The following HBS1L variants were observed in gnomAD, a reference collection of about 807,000 sequenced individuals.
HBS1L encodes HBS1 like translational GTPase, also known as HBS1-like protein.
HBS1L carries 55 observed loss-of-function variants against 88.9 expected under a neutral mutation model. That is an observed-to-expected ratio of 0.62 (90% CI 0.50 to 0.77). HBS1L has a LOEUF of 0.77. Among genes scored for constraint, HBS1L ranks in the 30% least tolerant of loss-of-function variants. The pLI is 0.00. For synonymous variants in HBS1L, 267 were observed against 288.5 expected (o/e 0.93, Z 0.76); for missense variants, 741 against 829.3 (o/e 0.89, Z 1.31).
At chr6:135,031,842 T>G (rs1230124672) in intron 4 of HBS1L, among the ~76,000 whole-genome samples, 1 of 151,622 alleles carries the variant, frequency 6.6e-6, no homozygotes, top group East Asian at 1.9e-4. Flanking sequence ...TTTTCTTTTT[T>G]TTTTTTTTGA....
At chr6:135,023,220 A>G (rs1262585859) in intron 4 of HBS1L, among the ~76,000 whole-genome samples, 14 of 152,040 alleles carry the variant, frequency 9.2e-5, no homozygotes, top group Non-Finnish European at 1.5e-5. Flanking sequence ...CGAGGCGGGC[A>G]GATCACGAGG....
Position 135,054,722 on chromosome 6 carries a change from T to G in HBS1L, c.-31A>C, listed in dbSNP as rs112374595. ...CGGAGAGGGCGTTTGCCACAGCCCC[T>G]TAACTCCTTCCAAAACACTCCGCTT... On this transcript the variant is annotated 5_prime_UTR_variant, in exon 1 of 18. Coordinates refer to ENST00000367837, the MANE Select transcript of HBS1L (RefSeq NM_006620.4). 4.6e-4 allele frequency: 741 copies of G among 1,613,870 alleles called. No individual in the cohort carries two copies. The highest frequency in any genetic ancestry group is 6.0e-4 in the Non-Finnish European group (713 of 1,179,862).
At chr6:134,988,612 CCT>C (rs1775047803) in intron 8 of HBS1L, among the ~76,000 whole-genome samples, 1 of 152,068 alleles carries the variant, frequency 6.6e-6, no homozygotes, top group South Asian at 2.1e-4. Flanking sequence ...TGACATATTC[CCT>C]CTCTCCCATT....
chr6:135,002,051 ATATAATT>A (rs1263928017), intron 5 of HBS1L, among the ~76,000 whole-genome samples: 7 of 120,792 alleles, frequency 5.8e-5, no homozygotes, highest in African/African-American at 1.5e-4. Flanking sequence ...GACAAAATAC[ATATAATT>A]TATAAGTAAC....
At position 134,987,674 on chromosome 6, in the gene HBS1L, G is replaced by A. The variant is rs772415575; in HGVS notation, c.1201C>T (p.Leu401Phe). The change falls in exon 9 of 18, where the codon CTT (leucine) becomes TTT (phenylalanine). Residue 401 changes from leucine (L) to phenylalanine (F), a missense_variant. This residue lies in a region of HBS1L where 556 missense variants were observed against 598.4 expected (regional missense o/e 0.93). Coordinates refer to ENST00000367837, the MANE Select transcript of HBS1L (RefSeq NM_006620.4). Reference protein sequence around the residue: ...LLVRSLGVTQLAVAVNKMDQV... With the variant: ...LLVRSLGVTQFAVAVNKMDQV... ...TCCATTTTATTAACTGCAACTGCAAGCTGCGTCACTCCCAGAGAACGGACC... is the reference window on the plus strand; with the variant it reads ...TCCATTTTATTAACTGCAACTGCAAACTGCGTCACTCCCAGAGAACGGACC... 1.6e-5 allele frequency: 25 copies of A among 1,602,630 alleles called. No individual in the cohort carries two copies. Among genetic ancestry groups the A allele is most frequent in the Non-Finnish European group, 2.0e-5 (24 of 1,174,894 alleles).
intron 17 of HBS1L, among the ~76,000 whole-genome samples, chr6:134,965,841 A>T (rs1296206956): frequency 6.6e-6 from 1 of 152,222 alleles, no homozygotes; most frequent in Non-Finnish European, 1.5e-5. Flanking sequence ...TTAGCAACTT[A>T]AAAGAAAGAT....
intron 2 of HBS1L, among the ~76,000 whole-genome samples, chr6:135,044,207 T>C (rs6903427): frequency 0.036 from 5,436 of 152,294 alleles, 335 homozygotes; most frequent in African/African-American, 0.12. Flanking sequence ...GGAGTACTTA[T>C]TAGGAAATTA....
At chr6:134,998,202 T>G (rs1271008736) in intron 5 of HBS1L, among the ~76,000 whole-genome samples, 2 of 152,150 alleles carry the variant, frequency 1.3e-5, no homozygotes, top group Non-Finnish European at 2.9e-5. Flanking sequence ...TATTAAAAAC[T>G]ACAACATATA....
intron 12 of HBS1L, among the ~76,000 whole-genome samples, chr6:134,984,967 C>T (rs187301679): frequency 5.3e-5 from 8 of 151,798 alleles, no homozygotes; most frequent in Admixed American, 2.6e-4. Context: ...CAGGGAAGCA[C>T]GGGTAGACAT....
At chr6:135,002,908 T>C (rs1403370844) in intron 4 of HBS1L, 66 bp from the exon 5 acceptor site, 8 of 834,230 alleles carry the variant, frequency 9.6e-6, no homozygotes, top group African/African-American at 3.8e-5. Context: ...ATCTATTACA[T>C]AGTATTTTAA....
chr6:135,034,303 G>A (rs1459183775), intron 4 of HBS1L, among the ~76,000 whole-genome samples: 1 of 152,148 alleles, frequency 6.6e-6, no homozygotes, highest in Non-Finnish European at 1.5e-5. Context: ...GTAGCTGCCA[G>A]AGAAAAAATA....
At chr6:135,036,040 G>T (rs1229947059) in intron 4 of HBS1L, 2 of 671,396 alleles carry the variant, frequency 3.0e-6, no homozygotes, top group East Asian at 1.3e-4. Flanking sequence ...TCAAAAGTCA[G>T]GAATTTTAAG....
At chr6:134,968,920 A>C (rs1774400410) in intron 16 of HBS1L, among the ~76,000 whole-genome samples, 1 of 152,190 alleles carries the variant, frequency 6.6e-6, no homozygotes, top group African/African-American at 2.4e-5. Context: ...TATTTTTTTA[A>C]ATGCCCTTAT....
At chr6:134,996,069 G>A (rs987425931) in intron 7 of HBS1L, among the ~76,000 whole-genome samples, 6 of 152,086 alleles carry the variant, frequency 3.9e-5, no homozygotes, top group African/African-American at 1.4e-4. Context: ...GGACTTTATA[G>A]GTTTGTAAAG....
intron 16 of HBS1L, among the ~76,000 whole-genome samples, chr6:134,968,258 C>CT (rs1412071539): frequency 6.4e-4 from 91 of 141,420 alleles, no homozygotes; most frequent in Middle Eastern, 3.6e-3. Flanking sequence ...TTTTTTTTTT[C>CT]TTTTTTTTGA....
Position 135,054,729 on chromosome 6 carries a change from C to T in HBS1L, c.-38G>A, listed in dbSNP as rs1777195702. On this transcript the variant is annotated 5_prime_UTR_variant, in exon 1 of 18. Coordinates refer to ENST00000367837, the MANE Select transcript of HBS1L (RefSeq NM_006620.4). The stretch of plus-strand genomic sequence containing the variant: ...GGCGTTTGCCACAGCCCCTTAACTC[C>T]TTCCAAAACACTCCGCTTAGATACT... 2 of 1,613,184 alleles carry T rather than the reference C, an allele frequency of 1.2e-6. No homozygotes were observed. The highest frequency in any genetic ancestry group is 1.7e-6 in the Non-Finnish European group (2 of 1,179,360).
chr6:135,047,654 A>G (rs73774560), intron 2 of HBS1L, among the ~76,000 whole-genome samples: 5,592 of 152,322 alleles, frequency 0.037, 356 homozygotes, highest in African/African-American at 0.13. Flanking sequence ...ATAAATACAT[A>G]TAACAGTCTC....
At chr6:135,030,320 G>A (rs1583137117) in intron 4 of HBS1L, among the ~76,000 whole-genome samples, 1 of 152,104 alleles carries the variant, frequency 6.6e-6, no homozygotes, top group Non-Finnish European at 1.5e-5. Flanking sequence ...AACTATGGGT[G>A]CATATGAAAG....
rs147314310 is a variant in HBS1L, at chr6:134,967,489, G to A, written c.1899-1016C>T. On this transcript the variant is annotated intron_variant, in intron 16 of 17. Coordinates refer to ENST00000367837, the MANE Select transcript of HBS1L (RefSeq NM_006620.4). ...CATAAAGCAATCAAGAGCCTACAACGTGCCTGAACAGGAATGAAAGGGAAA... is the reference window on the plus strand; with the variant it reads ...CATAAAGCAATCAAGAGCCTACAACATGCCTGAACAGGAATGAAAGGGAAA... Among the ~76,000 whole-genome samples, 83 of 152,240 alleles carry A rather than the reference G, an allele frequency of 5.5e-4. 1 individual carries two copies. The highest frequency in any genetic ancestry group is 1.9e-3 in the African/African-American group (77 of 41,546).
Sources: gnomAD v4.1 joint callset for allele counts (sites outside exome capture counted in the v4.1 genomes callset) on GRCh38, gnomAD v4.1.1 for gene constraint, gnomAD v4.1.1 regional missense constraint, MANE v1.5 for transcripts, NCBI Gene and HGNC (gene_info 2026-07-23, HGNC 2026-07-21) for gene names.